CDKAL1: variants seen among roughly 807,000 people sequenced by gnomAD.
CDKAL1 encodes the protein CDKAL1 threonylcarbamoyladenosine tRNA methylthiotransferase.
CDKAL1 carries 32 observed loss-of-function variants against 68.2 expected under a neutral mutation model. The observed-to-expected ratio is 0.47, with a 90% CI of 0.35 to 0.63. The LOEUF (loss-of-function observed/expected upper bound fraction) is 0.63. Ranked by LOEUF, CDKAL1 falls within the 30% of genes least tolerant of loss-of-function variation. The pLI is 0.00. For missense variants in CDKAL1, 606 were observed against 696.7 expected (o/e 0.87, Z 1.47); for synonymous variants, 234 against 244.3 (o/e 0.96, Z 0.39).
intron 5 of CDKAL1, among the ~76,000 whole-genome samples, chr6:20,703,534 A>G (rs1490356697): frequency 1.3e-5 from 2 of 152,144 alleles, no homozygotes; most frequent in East Asian, 1.9e-4. Context: ...TTTAAAAAAT[A>G]TATATATAGC....
At chr6:21,218,006 A>G (rs1779404989) in intron 15 of CDKAL1, among the ~76,000 whole-genome samples, 1 of 152,204 alleles carries the variant, frequency 6.6e-6, no homozygotes, top group African/African-American at 2.4e-5. Context: ...CTCTCTGGTT[A>G]GAAGTTTTGT....
chr6:20,829,009 G>A (rs1394024495), intron 8 of CDKAL1, among the ~76,000 whole-genome samples: 2 of 152,136 alleles, frequency 1.3e-5, no homozygotes, highest in Admixed American at 6.5e-5. Context: ...TGTGTAACAT[G>A]TCACATTTCA....
At chr6:20,776,296 C>A (rs945946594) in intron 7 of CDKAL1, among the ~76,000 whole-genome samples, 2 of 152,218 alleles carry the variant, frequency 1.3e-5, no homozygotes, top group Non-Finnish European at 2.9e-5. Flanking sequence ...CTCACCTCTT[C>A]ATTAACTGGG....
At chr6:21,062,080 G>A (rs1771165646) in intron 11 of CDKAL1, among the ~76,000 whole-genome samples, 1 of 152,154 alleles carries the variant, frequency 6.6e-6, no homozygotes, top group African/African-American at 2.4e-5. Context: ...AAGTAAGCAG[G>A]TGTTGCATAA....
chr6:20,752,140 C>G (rs1221384830), intron 6 of CDKAL1, among the ~76,000 whole-genome samples: 1 of 151,650 alleles, frequency 6.6e-6, no homozygotes, highest in Non-Finnish European at 1.5e-5. Context: ...TTCCCCATTG[C>G]TTCCTCCGTT....
intron 11 of CDKAL1, among the ~76,000 whole-genome samples, chr6:21,036,817 G>A (rs1172756724): frequency 6.6e-6 from 1 of 152,170 alleles, no homozygotes; most frequent in Non-Finnish European, 1.5e-5. Context: ...CAACTTAGCA[G>A]CGTTGGTGAC....
At chr6:20,946,017 A>AT (rs1764219517) in intron 9 of CDKAL1, among the ~76,000 whole-genome samples, 1 of 152,218 alleles carries the variant, frequency 6.6e-6, no homozygotes, top group Non-Finnish European at 1.5e-5. Context: ...TTTCATGAGC[A>AT]TAAGTATGAA....
intron 9 of CDKAL1, among the ~76,000 whole-genome samples, chr6:20,891,946 T>G (rs899626635): frequency 1.1e-4 from 16 of 151,620 alleles, no homozygotes; most frequent in African/African-American, 3.9e-4. Flanking sequence ...TCAACTCTAC[T>G]TTCAATTACT....
intron 2 of CDKAL1, among the ~76,000 whole-genome samples, chr6:20,540,930 T>C (rs1763365653): frequency 6.6e-6 from 1 of 152,196 alleles, no homozygotes; most frequent in African/African-American, 2.4e-5. Flanking sequence ...AGGGAGTGCC[T>C]GAAACTAGAG....
At chr6:21,105,131 A>C in intron 12 of CDKAL1, among the ~76,000 whole-genome samples, 1 of 152,180 alleles carries the variant, frequency 6.6e-6, no homozygotes, top group Admixed American at 6.5e-5. Context: ...GAACTGTTTC[A>C]CCGAATAAGT....
At chr6:20,929,561 CA>C (rs1479973712) in intron 9 of CDKAL1, among the ~76,000 whole-genome samples, 2 of 152,140 alleles carry the variant, frequency 1.3e-5, no homozygotes, top group African/African-American at 4.8e-5. Context: ...ACGTTACTGC[CA>C]GTGATTTTTG....
intron 7 of CDKAL1, among the ~76,000 whole-genome samples, chr6:20,770,768 C>T (rs1248025811): frequency 6.6e-6 from 1 of 152,154 alleles, no homozygotes; most frequent in Non-Finnish European, 1.5e-5. Flanking sequence ...AAGTGATAGG[C>T]TTTTAACTAG....
chr6:20,690,292 CA>C (rs1770813200), intron 5 of CDKAL1, among the ~76,000 whole-genome samples: 1 of 152,002 alleles, frequency 6.6e-6, no homozygotes, highest in Non-Finnish European at 1.5e-5. Flanking sequence ...ATTTTTTATT[CA>C]GTAGTATAAA....
At chr6:20,660,458 A>C (rs1769234321) in intron 5 of CDKAL1, among the ~76,000 whole-genome samples, 1 of 152,206 alleles carries the variant, frequency 6.6e-6, no homozygotes. Context: ...GTGTATTTGT[A>C]GAAAGGGAAA....
chr6:20,983,742 A>G (rs1225805333), intron 10 of CDKAL1, among the ~76,000 whole-genome samples: 4 of 152,182 alleles, frequency 2.6e-5, no homozygotes, highest in Non-Finnish European at 4.4e-5. Context: ...AAAAAGCTAC[A>G]TAATATATAT....
At chr6:20,944,827 T>C (rs1764157434) in intron 9 of CDKAL1, among the ~76,000 whole-genome samples, 1 of 152,218 alleles carries the variant, frequency 6.6e-6, no homozygotes, top group Non-Finnish European at 1.5e-5. Flanking sequence ...AATTACCTTT[T>C]GTTGACATTA....
intron 9 of CDKAL1, among the ~76,000 whole-genome samples, chr6:20,945,845 A>G (rs1412457557): frequency 1.3e-5 from 2 of 152,174 alleles, no homozygotes; most frequent in Non-Finnish European, 2.9e-5. Flanking sequence ...GTTGTTTTGT[A>G]TATTTTGGTC....
Position 21,108,383 on chromosome 6 carries a change from T to A in CDKAL1, c.1237-18T>A. 6.3e-7 allele frequency: 1 copy of A among 1,594,912 alleles called. No homozygotes were observed. The highest frequency in any genetic ancestry group is 8.6e-7 in the Non-Finnish European group (1 of 1,168,106). On this transcript the variant is annotated intron_variant, in intron 12 of 15. Coordinates refer to ENST00000274695, the MANE Select transcript of CDKAL1 (RefSeq NM_017774.3). ...TGTTTGTATGTTGGTTTTTTGTTTT[T>A]TTTGTTTTTTTTCACAGAAAAAGCA...
intron 11 of CDKAL1, among the ~76,000 whole-genome samples, chr6:21,025,706 T>A (rs960336808): frequency 6.6e-6 from 1 of 152,150 alleles, no homozygotes; most frequent in African/African-American, 2.4e-5. Flanking sequence ...AATAGTAGGG[T>A]GGTTTTATAA....
Sources: gnomAD v4.1 joint callset for allele counts (sites outside exome capture counted in the v4.1 genomes callset) on GRCh38, gnomAD v4.1.1 for gene constraint, MANE v1.5 for transcripts, NCBI Gene and HGNC (gene_info 2026-07-23, HGNC 2026-07-21) for gene names.